Variants in SLC16A6 observed in about 807,000 individuals in gnomAD.
SLC16A6 encodes monocarboxylate transporter 7.
In SLC16A6, 15 loss-of-function variants were observed where a neutral mutation model predicts 33.8. The ratio of observed to expected loss-of-function variants is 0.44; its 90% confidence interval spans 0.30 to 0.68. The LOEUF is 0.68. SLC16A6 is among the 30% of genes least tolerant of loss of function. SLC16A6 has a pLI of 0.10. For synonymous variants in SLC16A6, 219 were observed against 248.4 expected (o/e 0.88, Z 1.11); for missense variants, 451 against 661.5 (o/e 0.68, Z 3.49).
chr17:68,272,800 C>G, intron 3 of SLC16A6, 33 bp from the exon 4 acceptor site: 11 of 1,611,930 alleles, frequency 6.8e-6, no homozygotes, highest in Non-Finnish European at 9.3e-6. Flanking sequence ...GCCAATGAGA[C>G]CCACATACTG....
At chr17:68,288,552 C>T (rs1034746852) in intron 1 of SLC16A6, among the ~76,000 whole-genome samples, 1 of 152,152 alleles carries the variant, frequency 6.6e-6, no homozygotes, top group Admixed American at 6.5e-5. Context: ...CCCTGCTTTA[C>T]GGATGATGGA....
At chr17:68,269,673 GTTTTTTT>G (rs782421181) in intron 5 of SLC16A6, among the ~76,000 whole-genome samples, 1 of 77,912 alleles carries the variant, frequency 1.3e-5, no homozygotes, top group Non-Finnish European at 2.2e-5. Context: ...TTCACTTTAG[GTTTTTTT>G]TTTTTTTTTT....
At chr17:68,289,807 C>T (rs1336903013) in intron 1 of SLC16A6, among the ~76,000 whole-genome samples, 3 of 152,286 alleles carry the variant, frequency 2.0e-5, no homozygotes, top group African/African-American at 7.2e-5. Context: ...TCGGAAACCA[C>T]AGAAGGAAAA....
chr17:68,273,891 G>A, intron 3 of SLC16A6, 36 bp downstream of exon 3: 7 of 1,607,716 alleles, frequency 4.4e-6, no homozygotes, highest in Non-Finnish European at 6.0e-6. Flanking sequence ...CAAACTAAGT[G>A]TCTAGACAAC....
rs1274812688 is a variant in SLC16A6, at chr17:68,274,992, CT to C, written c.233-923del. On this transcript the variant is annotated intron_variant, in intron 2 of 5. Transcript: ENST00000580666. ...ATGGGGTTTCTCCATGTTGGTCAGG[CT>C]GGTCTCGAACTACTGACCTCAGGTG... Among the ~76,000 whole-genome samples the C allele has an allele frequency of 2.0e-5, 3 of 152,284 alleles. No homozygotes were observed. In the East Asian group the frequency reaches 5.8e-4, roughly 29 times the overall value.
rs1423429001 is a variant in SLC16A6, at chr17:68,270,982, C to T, written c.1178G>A (p.Gly393Glu). ...CCCTCCTATTGTTCCAACCATAAAC[C>T]CAAAAAATATGCTGCATGACATTAG... is the stretch of plus-strand genomic sequence containing the variant. ...WGLMSCSIFFGFMVGTIGGTH... is the reference protein window; with the variant it reads ...WGLMSCSIFFEFMVGTIGGTH... Residue 393 changes from glycine to glutamate, a missense_variant, in exon 5 of 6, where the codon GGG (glycine) becomes GAG (glutamate). By Grantham distance (98) the Gly-to-Glu change is moderately conservative (BLOSUM62 -2). Transcript: ENST00000580666. 6.2e-7 allele frequency: 1 copy of T among 1,614,004 alleles called. No homozygotes were observed. The highest frequency in any genetic ancestry group is 8.5e-7 in the Non-Finnish European group (1 of 1,180,008).
At chr17:68,269,477 A>G (rs2075261061) in intron 5 of SLC16A6, 131 bp from the exon 6 acceptor site, 4 of 869,184 alleles carry the variant, frequency 4.6e-6, no homozygotes, top group Non-Finnish European at 6.8e-6. Context: ...CTAAAGAAAA[A>G]TGGGTGTTAA....
In SLC16A6 at chr17:68,274,976, C is replaced by T. The variant is rs190900293; in HGVS notation, c.233-906G>A. Among the ~76,000 whole-genome samples, 297 of 152,250 alleles carry T rather than the reference C, an allele frequency of 2.0e-3. 5 individuals are homozygous for T. Among genetic ancestry groups the T allele is most frequent in the Middle Eastern group, 0.017 (5 of 294 alleles). On this transcript the variant is annotated intron_variant, in intron 2 of 5. Coordinates refer to ENST00000580666, the MANE Select transcript of SLC16A6 (RefSeq NM_004694.5). ...TGTATTTTTAGTAGAGATGGGGTTT[C>T]TCCATGTTGGTCAGGCTGGTCTCGA...
At position 68,272,772 on chromosome 17, in the gene SLC16A6, G is replaced by C; in HGVS notation, c.377-5C>G. The C allele has an allele frequency of 6.2e-7, 1 of 1,613,662 alleles. No homozygotes were observed. Among genetic ancestry groups the C allele is most frequent in the Non-Finnish European group, 8.5e-7 (1 of 1,179,772 alleles). ...AACTAAAGCAGTATCCCAGACCTGT[G>C]AAAGAAAAGTCAAAAAAGCCAATGA... On this transcript the variant is annotated splice_polypyrimidine_tract_variant and splice_region_variant and intron_variant, in intron 3 of 5. Coordinates refer to ENST00000580666, the MANE Select transcript of SLC16A6 (RefSeq NM_004694.5).
chr17:68,273,705 T>C (rs2075417245), intron 3 of SLC16A6, among the ~76,000 whole-genome samples: 1 of 151,938 alleles, frequency 6.6e-6, no homozygotes, highest in East Asian at 1.9e-4. Flanking sequence ...ATCATCATCT[T>C]TGGTGAAGAT....
chr17:68,274,678 T>C (rs1314022591), intron 2 of SLC16A6: 3 of 152,222 alleles, frequency 2.0e-5, no homozygotes, highest in Non-Finnish European at 4.4e-5. Flanking sequence ...TATTCTATAA[T>C]AAAAATTGGT....
chr17:68,288,145 T>C (rs1478791439), intron 1 of SLC16A6, among the ~76,000 whole-genome samples: 1 of 151,514 alleles, frequency 6.6e-6, no homozygotes, highest in African/African-American at 2.4e-5. Context: ...TAAAGGCGCA[T>C]GCCACCACGC....
chr17:68,278,447 T>G, intron 1 of SLC16A6, 120 bp from the exon 2 acceptor site: 1 of 573,954 alleles, frequency 1.7e-6, no homozygotes, highest in South Asian at 2.2e-5. Flanking sequence ...TGTTGAATAT[T>G]TATTTATTTA....
Position 68,271,697 on chromosome 17 carries a change from A to C in SLC16A6, c.506-43T>G. 1 of 1,512,496 alleles carries C rather than the reference A, an allele frequency of 6.6e-7. No individual in the cohort carries two copies. 93.7% of individuals were successfully genotyped at this position (1,512,496 alleles called of 1,614,324 possible). A position where few individuals can be genotyped will look rare whatever the true frequency, so the allele number is the denominator to read the frequency against. On this transcript the variant is annotated intron_variant, in intron 4 of 5. Transcript: ENST00000580666. This position sits in a 1 kb window ranked among gnomAD's most constrained non-coding sequence, Gnocchi z 5.3. ...GAAGAAGAAATAATATAAGGTCAATAATGGACTCAAGACCCAGGAGAAGCC... is the reference window on the plus strand; with the variant it reads ...GAAGAAGAAATAATATAAGGTCAATCATGGACTCAAGACCCAGGAGAAGCC...
At position 68,282,787 on chromosome 17, in the gene SLC16A6, A is replaced by AAAAAAAAAAAAAAAAAAG. The variant is rs1555753231; in HGVS notation, c.-7-4461_-7-4460insCTTTTTTTTTTTTTTTTT. ...TGAAACCCCATCTCTACTAAAAAAA[A>AAAAAAAAAAAAAAAAAAG]AAAAAAAAAAAAAGGCCAGGTGTGC... On this transcript the variant is annotated intron_variant, in intron 1 of 5. Transcript: ENST00000580666. 2.2e-4 allele frequency among the ~76,000 whole-genome samples: 33 copies of AAAAAAAAAAAAAAAAAAG among 146,788 alleles called. 1 individual carries two copies. Among genetic ancestry groups the AAAAAAAAAAAAAAAAAAG allele is most frequent in the African/African-American group, 7.6e-4 (30 of 39,240 alleles).
intron 1 of SLC16A6, among the ~76,000 whole-genome samples, chr17:68,288,128 T>C (rs1403256409): frequency 8.6e-5 from 13 of 151,530 alleles, no homozygotes; most frequent in African/African-American, 2.9e-4. Flanking sequence ...TCCTGAGTAG[T>C]TGGGATTAAA....
At chr17:68,270,466 A>G (rs2075301281) in intron 5 of SLC16A6, among the ~76,000 whole-genome samples, 1 of 151,826 alleles carries the variant, frequency 6.6e-6, no homozygotes, top group Non-Finnish European at 1.5e-5. Context: ...AGGCAGGAGA[A>G]TCACTTGAAT....
intron 1 of SLC16A6, chr17:68,285,658 G>A (rs536000524): frequency 6.6e-6 from 1 of 152,248 alleles, no homozygotes; most frequent in African/African-American, 2.4e-5. Context: ...TGACAAGAAC[G>A]AGACTCCGTC....
intron 1 of SLC16A6, among the ~76,000 whole-genome samples, chr17:68,288,246 C>T (rs111993616): frequency 1.3e-5 from 2 of 152,008 alleles, no homozygotes; most frequent in Admixed American, 6.5e-5. Flanking sequence ...GTGATCCGCC[C>T]GCCTCAGCCT....
Sources: allele counts gnomAD v4.1 joint callset (sites outside exome capture counted in the v4.1 genomes callset), GRCh38; gene constraint gnomAD v4.1.1; non-coding constraint Gnocchi (gnomAD v3.1); transcripts MANE v1.5; gene names NCBI Gene and HGNC (gene_info 2026-07-23, HGNC 2026-07-21).